The following NUCKS1 variants were observed in gnomAD, a reference collection of about 807,000 sequenced individuals.
NUCKS1 encodes nuclear casein kinase and cyclin dependent kinase substrate 1.
In NUCKS1, 2 loss-of-function variants were observed where a neutral mutation model predicts 33.0. The observed-to-expected ratio is 0.06, with a 90% CI of 0.02 to 0.19. The LOEUF (loss-of-function observed/expected upper bound fraction) is 0.19, where lower values mean the gene tolerates loss of function less well. Ranked by LOEUF, NUCKS1 falls within the 10% of genes least tolerant of loss-of-function variation. The probability of loss-of-function intolerance (pLI) is 1.00; values close to 1 mark genes in which losing one functional copy is unlikely to be tolerated. For synonymous variants in NUCKS1, 106 were observed against 102.8 expected, an observed-to-expected ratio of 1.03 and a Z score of -0.19; for missense variants, 201 against 293.6, an observed-to-expected ratio of 0.68 and a Z score of 2.31.
chr1:205,746,395 G>T (rs1571591843), intron 1 of NUCKS1, among the ~76,000 whole-genome samples: 1 of 151,642 alleles, frequency 6.6e-6, no homozygotes, highest in East Asian at 1.9e-4. Context: ...GAAACTGACA[G>T]GTAATTTTAA....
intron 1 of NUCKS1, among the ~76,000 whole-genome samples, chr1:205,742,048 TGCA>T (rs1447610015): frequency 6.6e-6 from 1 of 152,232 alleles, no homozygotes; most frequent in Non-Finnish European, 1.5e-5. Flanking sequence ...TCTCTAGAGC[TGCA>T]GCAAGTCCTT....
rs538217532 is a variant in NUCKS1 at position 205,734,638 on chromosome 1, A to G, written c.18-5017T>C. Among the ~76,000 whole-genome samples, 33 of 152,348 alleles carry G rather than the reference A, an allele frequency of 2.2e-4. No individual in the cohort carries two copies. The South Asian group carries it at 6.2e-3, about 29-fold the overall frequency. On this transcript the variant is annotated intron_variant, in intron 1 of 6. Coordinates refer to ENST00000367142, the MANE Select transcript of NUCKS1 (RefSeq NM_022731.5). ...GCCGGGCTTGGTGGCTCACGCCTGT[A>G]ATCCCAGCACTTTGGGAGGCCAAGG...
At chr1:205,744,181 G>C (rs762533470) in intron 1 of NUCKS1, among the ~76,000 whole-genome samples, 1 of 152,138 alleles carries the variant, frequency 6.6e-6, no homozygotes, top group Non-Finnish European at 1.5e-5. Context: ...TGCTAACACC[G>C]TGACAAAGTG....
At chr1:205,721,062 A>C (rs1671907714) in intron 4 of NUCKS1, among the ~76,000 whole-genome samples, 1 of 150,678 alleles carries the variant, frequency 6.6e-6, no homozygotes, top group Non-Finnish European at 1.5e-5. Flanking sequence ...CTGAACAATG[A>C]GAACACATGG....
chr1:205,731,832 C>T (rs979486674), intron 1 of NUCKS1, among the ~76,000 whole-genome samples: 1 of 150,548 alleles, frequency 6.6e-6, no homozygotes, highest in Non-Finnish European at 1.5e-5. Flanking sequence ...GCAGAGCTCG[C>T]AGTGAGTGAG....
At chr1:205,744,694 G>A (rs987743089) in intron 1 of NUCKS1, among the ~76,000 whole-genome samples, 7 of 122,268 alleles carry the variant, frequency 5.7e-5, no homozygotes, top group Admixed American at 1.2e-4. Context: ...GTGCAATGGC[G>A]TGGTCTCGGC....
chr1:205,714,764 T>C lies in NUCKS1; in HGVS notation c.*3516A>G, dbSNP rs1296101478. 1 of 152,182 alleles carries C rather than the reference T, an allele frequency of 6.6e-6. No homozygotes were observed. Among genetic ancestry groups the C allele is most frequent in the Non-Finnish European group, 1.5e-5 (1 of 68,042 alleles). 9.4% of individuals were successfully genotyped at this position (152,182 alleles called of 1,614,324 possible). A position where few individuals can be genotyped will look rare whatever the true frequency, so the allele number is the denominator to read the frequency against. ...CAGGAAATGCGTATTACTTCTGTTCTGTTTAAGCATCTCAGTCTAAATGCC... is the reference window on the plus strand; with the variant it reads ...CAGGAAATGCGTATTACTTCTGTTCCGTTTAAGCATCTCAGTCTAAATGCC... On this transcript the variant is annotated 3_prime_UTR_variant, in exon 7 of 7. Coordinates refer to ENST00000367142, the MANE Select transcript of NUCKS1 (RefSeq NM_022731.5).
rs369825026 is a variant in NUCKS1 at position 205,732,201 on chromosome 1, A to G, written c.18-2580T>C. 7.2e-5 allele frequency among the ~76,000 whole-genome samples: 11 copies of G among 152,370 alleles called. No individual in the cohort carries two copies. In the South Asian group the frequency reaches 2.3e-3, roughly 32 times the overall value. ...TGTTTTTCTTTAGTTTAACAAAACT[A>G]TAAAATATACTCCAACTATATATTT... On this transcript the variant is annotated intron_variant, in intron 1 of 6. Transcript: ENST00000367142.
Position 205,730,613 on chromosome 1 carries a change from C to T in NUCKS1, c.18-992G>A, listed in dbSNP as rs201248687. On this transcript the variant is annotated intron_variant, in intron 1 of 6. Transcript: ENST00000367142. Reference sequence around the variant, plus strand: ...AAGCGATTCTCCTGCTTCAGCCTCCCGAGTAGCTGAGATTACAGGCGTGTG... The same window carrying T: ...AAGCGATTCTCCTGCTTCAGCCTCCTGAGTAGCTGAGATTACAGGCGTGTG... 1.2e-4 allele frequency among the ~76,000 whole-genome samples: 19 copies of T among 152,008 alleles called. No homozygotes were observed. The East Asian group carries it at 2.7e-3, about 22-fold the overall frequency.
intron 1 of NUCKS1, among the ~76,000 whole-genome samples, chr1:205,743,340 A>G (rs561141199): frequency 4.6e-5 from 7 of 152,320 alleles, no homozygotes; most frequent in African/African-American, 1.7e-4. Flanking sequence ...GGAGTTCAAC[A>G]TCTCCACTAT....
intron 1 of NUCKS1, among the ~76,000 whole-genome samples, chr1:205,745,593 A>G (rs1393027592): frequency 6.6e-6 from 1 of 152,242 alleles, no homozygotes; most frequent in Non-Finnish European, 1.5e-5. Flanking sequence ...AACAGCTAAA[A>G]ATCAATGTGT....
chr1:205,747,800 T>A (rs1414275762), intron 1 of NUCKS1, among the ~76,000 whole-genome samples: 1 of 152,234 alleles, frequency 6.6e-6, no homozygotes. Context: ...AATTATACTT[T>A]GAAACAACAT....
intron 4 of NUCKS1, among the ~76,000 whole-genome samples, chr1:205,723,526 C>T (rs965537009): frequency 6.6e-6 from 1 of 152,116 alleles, no homozygotes; most frequent in African/African-American, 2.4e-5. Flanking sequence ...CACCCAGAGT[C>T]CACCACTCCC....
Position 205,750,043 on chromosome 1 carries a change from G to GCCCCCCCC in NUCKS1, c.-71_-70insGGGGGGGG. The GCCCCCCCC allele has an allele frequency of 5.5e-6, 7 of 1,271,636 alleles. No homozygotes were observed. The highest frequency in any genetic ancestry group is 3.8e-5 in the South Asian group (2 of 53,170). 78.8% of individuals were successfully genotyped at this position (1,271,636 alleles called of 1,614,324 possible). A position where few individuals can be genotyped will look rare whatever the true frequency, so the allele number is the denominator to read the frequency against. ...ACCCCCCCCACCCCGCGCGCTCGGC[G>GCCCCCCCC]CCCCACCCCCCCCGAACTTCAGCCG... On this transcript the variant is annotated 5_prime_UTR_variant, in exon 1 of 7. Coordinates refer to ENST00000367142, the MANE Select transcript of NUCKS1 (RefSeq NM_022731.5).
intron 1 of NUCKS1, among the ~76,000 whole-genome samples, chr1:205,745,330 C>T (rs1654294004): frequency 6.6e-6 from 1 of 151,884 alleles, no homozygotes; most frequent in South Asian, 2.1e-4. Context: ...GAAACCCTGT[C>T]TACAAAAAAT....
rs967823963 is a variant in NUCKS1, at chr1:205,718,551, C to G, written c.533-72G>C. 8 of 1,576,470 alleles carry G rather than the reference C, an allele frequency of 5.1e-6. No homozygotes were observed. The African/African-American group carries it at 6.9e-5, about 14-fold the overall frequency. On this transcript the variant is annotated intron_variant, in intron 6 of 6. Transcript: ENST00000367142. ...TTTAATAAAAGTCAGCTACAAAATA[C>G]AACAATCTGTAAGAATAAAATCTAT...
chr1:205,723,480 TAA>T (rs1671955620), intron 4 of NUCKS1, among the ~76,000 whole-genome samples: 1 of 152,148 alleles, frequency 6.6e-6, no homozygotes, highest in South Asian at 2.1e-4. Flanking sequence ...ATGTCTCCAC[TAA>T]AAAGAGTGGG....
chr1:205,728,764 T>C (rs74143846), intron 2 of NUCKS1, among the ~76,000 whole-genome samples: 2,613 of 152,294 alleles, frequency 0.017, 56 homozygotes, highest in African/African-American at 0.045. Flanking sequence ...AAACCTCTTA[T>C]GGCTAAGACT....
Position 205,716,963 on chromosome 1 carries a change from T to C in NUCKS1, c.*1317A>G, listed in dbSNP as rs942420586. The stretch of plus-strand genomic sequence containing the variant: ...ATAAAAAGACAAGAGCTAACTGAAT[T>C]GTATGGGAGCAGCATTTAACATATT... On this transcript the variant is annotated 3_prime_UTR_variant, in exon 7 of 7. Transcript: ENST00000367142. 6.6e-6 allele frequency: 1 copy of C among 152,234 alleles called. No individual in the cohort carries two copies. Among genetic ancestry groups the C allele is most frequent in the South Asian group, 2.1e-4 (1 of 4,826 alleles). The allele number at this position is 152,234 out of a possible 1,614,324, so 9.4% of individuals were successfully genotyped here.
Sources: allele counts gnomAD v4.1 joint callset (sites outside exome capture counted in the v4.1 genomes callset), GRCh38; gene constraint gnomAD v4.1.1; transcripts MANE v1.5; gene names NCBI Gene and HGNC (gene_info 2026-07-23, HGNC 2026-07-21).